The following NEK6 variants were observed in gnomAD, a reference collection of about 807,000 sequenced individuals.
NEK6 encodes the protein serine/threonine-protein kinase Nek6.
NEK6 carries 27 observed loss-of-function variants against 43.5 expected under a neutral mutation model. The ratio of observed to expected loss-of-function variants is 0.62; its 90% confidence interval spans 0.46 to 0.86. The LOEUF is 0.86. NEK6 is among the 40% of genes least tolerant of loss of function. The pLI, the probability that NEK6 is intolerant of heterozygous loss-of-function variation, is 0.00. For synonymous variants in NEK6, 167 were observed against 164.1 expected (o/e 1.02, Z -0.14); for missense variants, 318 against 414.4 (o/e 0.77, Z 2.02).
At chr9:124,339,758 G>A (rs1392550054) in intron 8 of NEK6, 93 bp downstream of exon 8, 2 of 920,522 alleles carry the variant, frequency 2.2e-6, no homozygotes, top group Non-Finnish European at 3.6e-6. Flanking sequence ...CTCAGGGTTG[G>A]AACCCAGGAA....
intron 1 of NEK6, chr9:124,292,527 C>T (rs1434308934): frequency 6.5e-7 from 1 of 1,536,912 alleles, no homozygotes; most frequent in Admixed American, 2.0e-5. Context: ...TAGATGCTCG[C>T]CTGGGACCCA....
intron 8 of NEK6, among the ~76,000 whole-genome samples, chr9:124,345,250 C>G (rs1258889671): frequency 2.0e-5 from 3 of 152,248 alleles, no homozygotes; most frequent in Non-Finnish European, 4.4e-5. Context: ...TGGGTGGTCA[C>G]TGGTAGAAGG....
Position 124,297,654 on chromosome 9 carries a change from G to C in NEK6, c.-29-4282G>C, listed in dbSNP as rs898982865. Among the ~76,000 whole-genome samples, 3 of 152,256 alleles carry C rather than the reference G, an allele frequency of 2.0e-5. No individual in the cohort carries two copies. In the East Asian group the frequency reaches 5.8e-4, roughly 29 times the overall value. On this transcript the variant is annotated intron_variant, in intron 1 of 9. Coordinates refer to ENST00000320246, the MANE Select transcript of NEK6 (RefSeq NM_014397.6). ...AAAGCCCTCTTTGAGGTGGTGTTCA[G>C]TGTGGCCTGCAGCTCTGGGTCTTGC...
intron 3 of NEK6, 63 bp from the exon 4 acceptor site, chr9:124,313,860 C>T (rs1194892440): frequency 1.9e-6 from 3 of 1,564,894 alleles, no homozygotes; most frequent in Non-Finnish European, 2.6e-6. Context: ...GACCCCGTGG[C>T]CTCCTTTGGG....
In NEK6 at chr9:124,281,032, C is replaced by T. The variant is rs141746877; in HGVS notation, c.-29-20904C>T. Among the ~76,000 whole-genome samples, 664 of 152,258 alleles carry T rather than the reference C, an allele frequency of 4.4e-3. 5 individuals carry two copies. The highest frequency in any genetic ancestry group is 0.015 in the African/African-American group (636 of 41,534). ...TCTCGAACTCCTGACCTCAGGTGAT[C>T]CACCCACCTCAGCCTCACAAAGCGC... On this transcript the variant is annotated intron_variant, in intron 1 of 9. Transcript: ENST00000320246.
intron 1 of NEK6, among the ~76,000 whole-genome samples, chr9:124,297,866 G>A (rs1832769716): frequency 6.6e-6 from 1 of 152,128 alleles, no homozygotes; most frequent in African/African-American, 2.4e-5. Flanking sequence ...CCTTTGCCTT[G>A]GCCTTTCTGC....
intron 1 of NEK6, among the ~76,000 whole-genome samples, chr9:124,285,393 G>A (rs1027196735): frequency 2.6e-5 from 4 of 152,132 alleles, no homozygotes; most frequent in Non-Finnish European, 5.9e-5. Flanking sequence ...CTCAGAGGCC[G>A]ACCTGCATGT....
intron 7 of NEK6, among the ~76,000 whole-genome samples, chr9:124,333,269 C>A (rs1395721953): frequency 6.6e-6 from 1 of 152,232 alleles, no homozygotes; most frequent in Non-Finnish European, 1.5e-5. Flanking sequence ...CCAGGCTTTA[C>A]GTGACTTATT....
At chr9:124,311,196 C>T (rs932156462) in intron 2 of NEK6, among the ~76,000 whole-genome samples, 14 of 152,174 alleles carry the variant, frequency 9.2e-5, no homozygotes, top group Non-Finnish European at 1.3e-4. Context: ...TGATGCCTTC[C>T]GCCAGGGTGC....
At chr9:124,285,305 A>T (rs763128638) in intron 1 of NEK6, among the ~76,000 whole-genome samples, 2 of 152,118 alleles carry the variant, frequency 1.3e-5, no homozygotes, top group Non-Finnish European at 2.9e-5. Context: ...TCCACAGAGC[A>T]GGCTCTGTTT....
chr9:124,321,618 C>A, intron 5 of NEK6, 49 bp downstream of exon 5: 2 of 1,194,438 alleles, frequency 1.7e-6, no homozygotes, highest in South Asian at 1.2e-5. Context: ...AGATCTGGAG[C>A]CAAAGGTGGC....
intron 5 of NEK6, among the ~76,000 whole-genome samples, chr9:124,321,904 T>TC (rs1235663707): frequency 6.6e-6 from 1 of 152,156 alleles, no homozygotes; most frequent in Non-Finnish European, 1.5e-5. Flanking sequence ...CAGAAGGAAC[T>TC]CCTCTGGCCA....
At chr9:124,329,697 G>A (rs1828868310) in intron 7 of NEK6, among the ~76,000 whole-genome samples, 1 of 152,228 alleles carries the variant, frequency 6.6e-6, no homozygotes, top group Admixed American at 6.5e-5. Context: ...CCAGAACCAA[G>A]GGCCTGCACC....
chr9:124,276,888 G>A (rs943664099), intron 1 of NEK6, among the ~76,000 whole-genome samples: 2 of 152,220 alleles, frequency 1.3e-5, no homozygotes, highest in African/African-American at 4.8e-5. Context: ...ACGTGGTGGA[G>A]GACAGACATC....
At position 124,326,693 on chromosome 9, in the gene NEK6, C is replaced by A. The variant is rs1834357291; in HGVS notation, c.514+255C>A. On this transcript the variant is annotated intron_variant, in intron 6 of 9. Transcript: ENST00000320246. This position sits in a 1 kb window ranked among gnomAD's most constrained non-coding sequence, Gnocchi z 4.5. ...CACCACTTCCAGTTCCCCACAGCAG[C>A]CTGGGAGGGAGGTCGAGGAAGCCTC... is the stretch of plus-strand genomic sequence containing the variant. Among the ~76,000 whole-genome samples, 2 of 152,176 alleles carry A rather than the reference C, an allele frequency of 1.3e-5. No individual in the cohort carries two copies.
At chr9:124,311,871 G>T (rs1833543846) in intron 2 of NEK6, among the ~76,000 whole-genome samples, 1 of 152,206 alleles carries the variant, frequency 6.6e-6, no homozygotes, top group South Asian at 2.1e-4. Flanking sequence ...TATATTTTTA[G>T]TGGAGACAGG....
At chr9:124,268,600 CTG>C (rs886241210) in intron 1 of NEK6, among the ~76,000 whole-genome samples, 12 of 152,174 alleles carry the variant, frequency 7.9e-5, no homozygotes, top group African/African-American at 2.9e-4. Flanking sequence ...TCTCTGCTTG[CTG>C]TGATATACCC....
At chr9:124,303,088 G>A (rs761023259) in intron 2 of NEK6, among the ~76,000 whole-genome samples, 4 of 152,234 alleles carry the variant, frequency 2.6e-5, no homozygotes, top group Admixed American at 1.3e-4. Flanking sequence ...CACCTGATCC[G>A]GGGCCAGAGA....
chr9:124,350,218 T>C (rs1326364575), intron 9 of NEK6, among the ~76,000 whole-genome samples: 1 of 152,206 alleles, frequency 6.6e-6, no homozygotes, highest in Admixed American at 6.5e-5. Context: ...GGGTAAGATG[T>C]AGGCATTTTA....
Sources: gnomAD v4.1 joint callset for allele counts (sites outside exome capture counted in the v4.1 genomes callset) on GRCh38, gnomAD v4.1.1 for gene constraint, Gnocchi (gnomAD v3.1) non-coding constraint, MANE v1.5 for transcripts, NCBI Gene and HGNC (gene_info 2026-07-23, HGNC 2026-07-21) for gene names.